SH2B2: variants seen among roughly 807,000 people sequenced by gnomAD.
SH2B2 encodes the protein SH2B adaptor protein 2.
Under a neutral mutation model 35.7 loss-of-function variants are expected in SH2B2, and 37 were observed. That is an observed-to-expected ratio of 1.04 (90% CI 0.80 to 1.36). SH2B2 has a LOEUF of 1.36. Among genes scored for constraint, SH2B2 ranks in the 40% most tolerant of loss-of-function variants. The pLI, the probability that SH2B2 is intolerant of heterozygous loss-of-function variation, is 0.00. For synonymous variants in SH2B2, 383 were observed against 376.4 expected, an observed-to-expected ratio of 1.02 and a Z score of -0.20; for missense variants, 852 against 817.7, an observed-to-expected ratio of 1.04 and a Z score of -0.51.
At chr7:102,316,991 C>T (rs1333694324) in intron 6 of SH2B2, 196 bp from the exon 7 acceptor site, 5 of 527,336 alleles carry the variant, frequency 9.5e-6, no homozygotes, top group South Asian at 5.3e-5. Context: ...CATTGCACTC[C>T]AGCCTGGGCG....
intron 2 of SH2B2, among the ~76,000 whole-genome samples, chr7:102,305,677 T>A (rs1793363133): frequency 6.6e-6 from 1 of 152,278 alleles, no homozygotes; most frequent in African/African-American, 2.4e-5. Flanking sequence ...TATTTTTACC[T>A]GCGTATGTGT....
chr7:102,289,744 G>A (rs192244962), intron 1 of SH2B2, among the ~76,000 whole-genome samples: 1 of 152,082 alleles, frequency 6.6e-6, no homozygotes, highest in Non-Finnish European at 1.5e-5. Context: ...TGCAGGTTTA[G>A]GGGGCTGGGC....
intron 1 of SH2B2, among the ~76,000 whole-genome samples, chr7:102,293,494 G>A (rs1242117876): frequency 6.6e-6 from 1 of 151,454 alleles, no homozygotes; most frequent in Admixed American, 6.6e-5. Flanking sequence ...ATTTTTTCAG[G>A]AGGAGAAGGC....
In SH2B2 at chr7:102,306,877, C is replaced by G. The variant is rs1554555014; in HGVS notation, c.831+55C>G. 3 of 1,349,260 alleles carry G rather than the reference C, an allele frequency of 2.2e-6. No individual in the cohort carries two copies. In the Admixed American group the frequency reaches 5.9e-5, roughly 27 times the overall value. The allele number at this position is 1,349,260 out of a possible 1,614,324, so 83.6% of individuals were successfully genotyped here. On this transcript the variant is annotated intron_variant, in intron 3 of 8. Coordinates refer to ENST00000444095, the MANE Select transcript of SH2B2 (RefSeq NM_001359228.2). Reference sequence around the variant, plus strand: ...CTCCAGCTGCCCCAGGCCACCTTCCCTTTAGGTGCTACAGCTCCCTAGGGG... The same window carrying G: ...CTCCAGCTGCCCCAGGCCACCTTCCGTTTAGGTGCTACAGCTCCCTAGGGG...
chr7:102,308,871 G>A lies in SH2B2; in HGVS notation c.888G>A (p.Ser296=), dbSNP rs184838046. The change falls in exon 4 of 9, where the codon TCG becomes TCA. Residue 296 remains serine, a synonymous_variant. Transcript: ENST00000444095. Reference sequence around the variant, plus strand: ...CCATCGACTCTCTGCAGAAGCACTCGTGGGTAGCTGACATCCAGGGCTGCG... The same window carrying A: ...CCATCGACTCTCTGCAGAAGCACTCATGGGTAGCTGACATCCAGGGCTGCG... ...LETIDSLQKH[S]WVADIQGCVD... is the part of the protein sequence containing the mutation. The A allele has an allele frequency of 4.2e-4, 680 of 1,613,570 alleles. 3 individuals carry two copies. The highest frequency in any genetic ancestry group is 8.2e-4 in the Admixed American group (49 of 59,992).
chr7:102,317,508 T>A, intron 7 of SH2B2, 113 bp downstream of exon 7: 1 of 1,009,550 alleles, frequency 9.9e-7, no homozygotes, highest in Non-Finnish European at 1.4e-6. Flanking sequence ...CGAACAGGTG[T>A]GGCATGACTT....
intron 2 of SH2B2, among the ~76,000 whole-genome samples, chr7:102,304,263 C>T (rs1415988252): frequency 1.3e-5 from 2 of 152,182 alleles, no homozygotes; most frequent in Non-Finnish European, 2.9e-5. Flanking sequence ...TTCCCTCTCA[C>T]ACAGCCTTTG....
At chr7:102,286,819 G>A (rs1204911777), upstream of SH2B2, 1 of 1,186 alleles carries the variant, frequency 8.4e-4, no homozygotes, top group Non-Finnish European at 1.7e-3. Context: ...CGCGGCGGGG[G>A]CGGGGGCGGG....
chr7:102,304,662 C>T (rs1554554523), intron 2 of SH2B2, among the ~76,000 whole-genome samples: 2 of 152,204 alleles, frequency 1.3e-5, no homozygotes, highest in Non-Finnish European at 2.9e-5. Flanking sequence ...CCAGGACTGA[C>T]GGACCTCAGA....
chr7:102,302,670 G>A (rs1304831881), intron 2 of SH2B2, among the ~76,000 whole-genome samples: 1 of 152,240 alleles, frequency 6.6e-6, no homozygotes, highest in Non-Finnish European at 1.5e-5. Flanking sequence ...GTGAGCACAT[G>A]GTCCCCAGAT....
chr7:102,301,381 A>T, intron 2 of SH2B2, 102 bp downstream of exon 2: 1 of 1,354,930 alleles, frequency 7.4e-7, no homozygotes, highest in Non-Finnish European at 9.8e-7. Flanking sequence ...GCGTGGTCTA[A>T]TCTGGTTGAC....
intron 2 of SH2B2, among the ~76,000 whole-genome samples, chr7:102,301,722 A>AC (rs1387521336): frequency 6.6e-6 from 1 of 151,724 alleles, no homozygotes; most frequent in African/African-American, 2.4e-5. Flanking sequence ...ACAGGCACCC[A>AC]CCACGATGCC....
chr7:102,313,291 A>C (rs1793695235), intron 4 of SH2B2, among the ~76,000 whole-genome samples: 1 of 151,746 alleles, frequency 6.6e-6, no homozygotes, highest in Admixed American at 6.6e-5. Flanking sequence ...ACAAAAAAAA[A>C]AAAAAAATTA....
chr7:102,320,484 G>T lies in SH2B2; in HGVS notation c.1549G>T (p.Ala517Ser). The T allele has an allele frequency of 6.2e-7, 1 of 1,613,194 alleles. No individual in the cohort carries two copies. Among genetic ancestry groups the T allele is most frequent in the Non-Finnish European group, 8.5e-7 (1 of 1,179,616 alleles). ...CATCACCCTTCGCAGCTATGTGCGG[G>T]CCCAGGACCCCCCACCAGGTAAGAT... ...ADITLRSYVR[A>S]QDPPPEPGPT... Residue 517 changes from alanine to serine, a missense_variant, in exon 8 of 9, where the codon GCC becomes TCC. Physicochemically the swap from Ala to Ser is moderately conservative, Grantham distance 99 (BLOSUM62 1). Around this residue, in one of 3 missense-constraint regions of SH2B2, gnomAD observed 556 missense variants for 514.5 expected, o/e 1.08. Transcript: ENST00000444095.
Position 102,300,259 on chromosome 7 carries a change from A to G in SH2B2, c.-29-263A>G, listed in dbSNP as rs1554553261. Reference sequence around the variant, plus strand: ...TGACCAGGCTGATCTCGAACTCCCAACCTCAGGTGATCCACCCACCTCGGC... The same window carrying G: ...TGACCAGGCTGATCTCGAACTCCCAGCCTCAGGTGATCCACCCACCTCGGC... On this transcript the variant is annotated intron_variant, in intron 1 of 8. Transcript: ENST00000444095. 2.6e-5 allele frequency among the ~76,000 whole-genome samples: 4 copies of G among 152,036 alleles called. No homozygotes were observed. In the East Asian group the frequency reaches 5.8e-4, roughly 22 times the overall value.
At chr7:102,286,614 C>T (rs1586556896), upstream of SH2B2, among the ~76,000 whole-genome samples, 3 of 151,990 alleles carry the variant, frequency 2.0e-5, no homozygotes, top group East Asian at 3.9e-4. Context: ...TGGGGCGACT[C>T]GGAGCCGGCT....
At chr7:102,302,999 C>T (rs147473641) in intron 2 of SH2B2, among the ~76,000 whole-genome samples, 8 of 152,046 alleles carry the variant, frequency 5.3e-5, no homozygotes, top group Non-Finnish European at 7.4e-5. Flanking sequence ...TTTGGGAGGC[C>T]GAGGCAGGTG....
At position 102,320,191 on chromosome 7, in the gene SH2B2, C is replaced by T. The variant is rs1322326529; in HGVS notation, c.1396-140C>T. 21 of 648,484 alleles carry T rather than the reference C, an allele frequency of 3.2e-5. No homozygotes were observed. The East Asian group carries it at 4.0e-4, about 12-fold the overall frequency. 40.2% of individuals were successfully genotyped at this position (648,484 alleles called of 1,614,324 possible). On this transcript the variant is annotated intron_variant, in intron 7 of 8. Coordinates refer to ENST00000444095, the MANE Select transcript of SH2B2 (RefSeq NM_001359228.2). ...CCCCATTCCCCATCTCCAGATGGGG[C>T]TCATGTGTGAGGGGCCCCCGGCCCT... is the stretch of plus-strand genomic sequence containing the variant.
chr7:102,311,779 CAA>C (rs1793631912), intron 4 of SH2B2, among the ~76,000 whole-genome samples: 2 of 151,880 alleles, frequency 1.3e-5, no homozygotes, highest in South Asian at 4.2e-4. Flanking sequence ...AATGAAGACT[CAA>C]AGATACAGGG....
Sources: gnomAD v4.1 joint callset for allele counts (sites outside exome capture counted in the v4.1 genomes callset) on GRCh38, gnomAD v4.1.1 for gene constraint, gnomAD v4.1.1 regional missense constraint, MANE v1.5 for transcripts, NCBI Gene and HGNC (gene_info 2026-07-23, HGNC 2026-07-21) for gene names.